Variants in EIF2B2 observed in about 807,000 individuals in gnomAD.
The protein encoded by EIF2B2 is translation initiation factor eIF2B subunit beta.
EIF2B2 carries 34 observed loss-of-function variants against 34.7 expected under a neutral mutation model. The observed-to-expected ratio is 0.98, with a 90% confidence interval of 0.75 to 1.31. The LOEUF is 1.31. Ranked by LOEUF, EIF2B2 falls within the 50% of genes most tolerant of loss-of-function variation. The probability of loss-of-function intolerance (pLI) is 0.00; values close to 1 mark genes in which losing one functional copy is unlikely to be tolerated. For missense variants in EIF2B2, 361 were observed against 447.7 expected (o/e 0.81, Z 1.75); for synonymous variants, 155 against 171.6 (o/e 0.90, Z 0.76).
In EIF2B2 at chr14:75,011,260, C is replaced by G. The variant is rs1366134225; in HGVS notation, c.*2072C>G. ...CAGTATAGAAGTATAATACCAAGCACAGCAAGCAGAGGGACATCCTCTAAT... is the reference window on the plus strand; with the variant it reads ...CAGTATAGAAGTATAATACCAAGCAGAGCAAGCAGAGGGACATCCTCTAAT... On this transcript the variant is annotated 3_prime_UTR_variant, in exon 8 of 8. Transcript: ENST00000266126. The G allele has an allele frequency of 6.6e-6, 1 of 152,156 alleles. No homozygotes were observed. Among genetic ancestry groups the G allele is most frequent in the African/African-American group, 2.4e-5 (1 of 41,422 alleles). 9.4% of individuals were successfully genotyped at this position (152,156 alleles called of 1,614,324 possible).
In EIF2B2 at chr14:75,003,545, C is replaced by CT; in HGVS notation, c.285-5dup. 1 of 1,614,140 alleles carries CT rather than the reference C, an allele frequency of 6.2e-7. No individual in the cohort carries two copies. Among genetic ancestry groups the CT allele is most frequent in the Non-Finnish European group, 8.5e-7 (1 of 1,180,028 alleles). On this transcript the variant is annotated splice_polypyrimidine_tract_variant and splice_region_variant and intron_variant, in intron 2 of 7. Transcript: ENST00000266126. ...CCTCTCTCTTTGGGTCTTGTTGCCTCTATAGACTCCATGGACGCAGCGACG... is the reference window on the plus strand; with the variant it reads ...CCTCTCTCTTTGGGTCTTGTTGCCTCTTATAGACTCCATGGACGCAGCGACG...
At chr14:75,003,437 CTT>C in intron 2 of EIF2B2, 42 bp downstream of exon 2, 4 of 1,613,918 alleles carry the variant, frequency 2.5e-6, no homozygotes, top group Non-Finnish European at 3.4e-6. Flanking sequence ...TCCAGTGACA[CTT>C]TTTGCACGGG....
Position 75,003,008 on chromosome 14 carries a change from G to T in EIF2B2, c.18G>T (p.Ala6=), listed in dbSNP as rs1889560858. 6.2e-7 allele frequency: 1 copy of T among 1,614,164 alleles called. No individual in the cohort carries two copies. The highest frequency in any genetic ancestry group is 8.5e-7 in the Non-Finnish European group (1 of 1,180,038). Residue 6 remains alanine, a synonymous_variant, in exon 1 of 8, where the codon GCG becomes GCT. Transcript: ENST00000266126. MPGSA[A]KGSELSERIE... ...CCTTAAAGATGCCGGGATCCGCAGC[G>T]AAGGGCTCGGAGTTGTCAGAGAGGA...
At position 75,011,959 on chromosome 14, in the gene EIF2B2, G is replaced by T. The variant is rs907131909; in HGVS notation, c.*2771G>T. The T allele has an allele frequency of 2.0e-5, 3 of 152,226 alleles. No individual in the cohort carries two copies. Among genetic ancestry groups the T allele is most frequent in the African/African-American group, 4.8e-5 (2 of 41,454 alleles). The allele number at this position is 152,226 out of a possible 1,614,324, so 9.4% of individuals were successfully genotyped here. On this transcript the variant is annotated 3_prime_UTR_variant, in exon 8 of 8. Transcript: ENST00000266126. ...CCAGGCATGACTGAGTTGGATGAAGGTTATAAGGGTAGAAGCTCTCTTTCT... is the reference window on the plus strand; with the variant it reads ...CCAGGCATGACTGAGTTGGATGAAGTTTATAAGGGTAGAAGCTCTCTTTCT...
In EIF2B2 at chr14:75,006,788, T is replaced by G. The variant is rs916284195; in HGVS notation, c.831+74T>G. The G allele has an allele frequency of 1.9e-6, 3 of 1,591,492 alleles. No homozygotes were observed. In the African/African-American group the frequency reaches 4.0e-5, roughly 21 times the overall value. The stretch of plus-strand genomic sequence containing the variant: ...AAAGGGTAGGCTTGAACTCTGGGAC[T>G]TCAACCACCTCACTCCAGGGCCTCC... On this transcript the variant is annotated intron_variant, in intron 6 of 7. Transcript: ENST00000266126. The surrounding 1 kb of genome is among the most constrained non-coding windows in gnomAD (Gnocchi z 4.1).
rs1000885496 is a variant in EIF2B2 at position 75,011,281 on chromosome 14, C to T, written c.*2093C>T. ...AGCACAGCAAGCAGAGGGACATCCT[C>T]TAATTTTGTTGACATGTTTATGCTT... On this transcript the variant is annotated 3_prime_UTR_variant, in exon 8 of 8. Transcript: ENST00000266126. The T allele has an allele frequency of 2.0e-5, 3 of 152,172 alleles. No individual in the cohort carries two copies. The highest frequency in any genetic ancestry group is 2.9e-5 in the Non-Finnish European group (2 of 68,042). The allele number at this position is 152,172 out of a possible 1,614,324, so 9.4% of individuals were successfully genotyped here.
intron 3 of EIF2B2, 150 bp downstream of exon 3, chr14:75,003,849 A>C: frequency 8.1e-7 from 1 of 1,227,432 alleles, no homozygotes; most frequent in African/African-American, 1.5e-5. Context: ...GAAATGTTGC[A>C]ACAGGTGACA....
In EIF2B2 at chr14:75,009,198, C is replaced by G. The variant is rs770918340; in HGVS notation, c.*10C>G. 1 of 1,613,900 alleles carries G rather than the reference C, an allele frequency of 6.2e-7. No homozygotes were observed. The highest frequency in any genetic ancestry group is 8.5e-7 in the Non-Finnish European group (1 of 1,179,890). On this transcript the variant is annotated 3_prime_UTR_variant, in exon 8 of 8. Transcript: ENST00000266126. ...TGATCATGTTTTATGACCGACCACA[C>G]GTGTCCTAAGCAGATTGCTTAGGCA...
rs930523618 is a variant in EIF2B2 at position 75,006,761 on chromosome 14, C to A, written c.831+47C>A. The stretch of plus-strand genomic sequence containing the variant: ...TAGAAGCCAGCAGAAAAGAAGGAAG[C>A]CAAAGGGTAGGCTTGAACTCTGGGA... On this transcript the variant is annotated intron_variant, in intron 6 of 7. Coordinates refer to ENST00000266126, the MANE Select transcript of EIF2B2 (RefSeq NM_014239.4). This position sits in a 1 kb window ranked among gnomAD's most constrained non-coding sequence, Gnocchi z 4.1. The A allele has an allele frequency of 3.7e-6, 6 of 1,612,820 alleles. No individual in the cohort carries two copies. The Admixed American group carries it at 5.0e-5, about 13-fold the overall frequency.
At position 75,006,421 on chromosome 14, in the gene EIF2B2, T is replaced by C; in HGVS notation, c.694-156T>C. On this transcript the variant is annotated intron_variant, in intron 5 of 7. Transcript: ENST00000266126. The surrounding 1 kb of genome is among the most constrained non-coding windows in gnomAD (Gnocchi z 4.1). Reference sequence around the variant, plus strand: ...TTTCCTTGGAAACCTACTTTTAAGCTAGAACTTGTATTGAGCCAGGGATCC... The same window carrying C: ...TTTCCTTGGAAACCTACTTTTAAGCCAGAACTTGTATTGAGCCAGGGATCC... 9.4e-7 allele frequency: 1 copy of C among 1,062,180 alleles called. No individual in the cohort carries two copies. Among genetic ancestry groups the C allele is most frequent in the Non-Finnish European group, 1.4e-6 (1 of 736,096 alleles). The allele number at this position is 1,062,180 out of a possible 1,614,324, so 65.8% of individuals were successfully genotyped here. A position where few individuals can be genotyped will look rare whatever the true frequency, so the allele number is the denominator to read the frequency against.
Position 75,004,902 on chromosome 14 carries a change from T to C in EIF2B2, c.597+2T>C. ...GCAGAGTGTGCTCCTTTCTGCCAGG[T>C]AAGGAGACTGCTGGAGTTGCTACTA... On this transcript the variant is annotated splice_donor_variant, in intron 4 of 7. Coordinates refer to ENST00000266126, the MANE Select transcript of EIF2B2 (RefSeq NM_014239.4). LOFTEE classifies it high-confidence loss of function. The C allele has an allele frequency of 6.2e-7, 1 of 1,610,464 alleles. No homozygotes were observed. Among genetic ancestry groups the C allele is most frequent in the Non-Finnish European group, 8.5e-7 (1 of 1,178,176 alleles).
At position 75,002,946 on chromosome 14, in the gene EIF2B2, A is replaced by T. The variant is rs1232273710; in HGVS notation, c.-45A>T. The T allele has an allele frequency of 3.7e-6, 6 of 1,612,888 alleles. No individual in the cohort carries two copies. The highest frequency in any genetic ancestry group is 1.8e-4 in the Middle Eastern group (1 of 5,504). ...GGAAGTGCAAACTGTGTGGTCTGGC[A>T]GGTGTGGATTCCGCCGGTGAAGGCT... On this transcript the variant is annotated 5_prime_UTR_variant, in exon 1 of 8. Coordinates refer to ENST00000266126, the MANE Select transcript of EIF2B2 (RefSeq NM_014239.4).
In EIF2B2 at chr14:75,002,921, G is replaced by C. The variant is rs1889557910; in HGVS notation, c.-70G>C. 1.2e-6 allele frequency: 2 copies of C among 1,609,902 alleles called. No individual in the cohort carries two copies. Among genetic ancestry groups the C allele is most frequent in the East Asian group, 4.5e-5 (2 of 44,874 alleles). On this transcript the variant is annotated 5_prime_UTR_variant, in exon 1 of 8. Transcript: ENST00000266126. Reference sequence around the variant, plus strand: ...AGCGGAAGCCGACCTCGCCCGCCCCGGAAGTGCAAACTGTGTGGTCTGGCA... The same window carrying C: ...AGCGGAAGCCGACCTCGCCCGCCCCCGAAGTGCAAACTGTGTGGTCTGGCA...
chr14:75,007,565 C>A, intron 6 of EIF2B2, 157 bp from the exon 7 acceptor site: 1 of 613,802 alleles, frequency 1.6e-6, no homozygotes, highest in South Asian at 1.8e-5. Flanking sequence ...TGTTTATGGG[C>A]ATTTGGGTTG....
rs1443000896 is a variant in EIF2B2 at position 75,007,896 on chromosome 14, T to A, written c.898+108T>A. ...TTTGTTGGTCAGTAGAACTGAATGC[T>A]GTCAAGTTGTGTTTTTTATCATACT... On this transcript the variant is annotated intron_variant, in intron 7 of 7. Coordinates refer to ENST00000266126, the MANE Select transcript of EIF2B2 (RefSeq NM_014239.4). 3.8e-6 allele frequency: 4 copies of A among 1,064,748 alleles called. No individual in the cohort carries two copies. The East Asian group carries it at 7.4e-5, about 20-fold the overall frequency. 66.0% of individuals were successfully genotyped at this position (1,064,748 alleles called of 1,614,324 possible). A position where few individuals can be genotyped will look rare whatever the true frequency, so the allele number is the denominator to read the frequency against.
chr14:75,006,523 C>T lies in EIF2B2; in HGVS notation c.694-54C>T, dbSNP rs1004989825. ...GCATTTAGCTTTTTGTGGCCAGTGG[C>T]CCTTTTAGGGCTCCACCCCCAGGAT... On this transcript the variant is annotated intron_variant, in intron 5 of 7. Transcript: ENST00000266126. This position sits in a 1 kb window ranked among gnomAD's most constrained non-coding sequence, Gnocchi z 4.1. 12 of 1,608,258 alleles carry T rather than the reference C, an allele frequency of 7.5e-6. No individual in the cohort carries two copies. The highest frequency in any genetic ancestry group is 1.0e-5 in the Non-Finnish European group (12 of 1,179,676).
chr14:75,006,558 T>A lies in EIF2B2; in HGVS notation c.694-19T>A. The A allele has an allele frequency of 6.2e-7, 1 of 1,613,430 alleles. No individual in the cohort carries two copies. Among genetic ancestry groups the A allele is most frequent in the South Asian group, 1.1e-5 (1 of 91,080 alleles). Reference sequence around the variant, plus strand: ...GCTCCACCCCCAGGATGGCTCACATTTTTTGTCTTGTCCCAAAGGTGATCA... The same window carrying A: ...GCTCCACCCCCAGGATGGCTCACATATTTTGTCTTGTCCCAAAGGTGATCA... On this transcript the variant is annotated intron_variant, in intron 5 of 7. Transcript: ENST00000266126. The surrounding 1 kb of genome is among the most constrained non-coding windows in gnomAD (Gnocchi z 4.1).
rs2139258230 is a variant in EIF2B2 at position 75,009,558 on chromosome 14, A to G, written c.*370A>G. ...CAGAAATGGCTATGACACTTTTTCT[A>G]GGCTCTACCAATAAAAGCCACTTGA... On this transcript the variant is annotated 3_prime_UTR_variant, in exon 8 of 8. Coordinates refer to ENST00000266126, the MANE Select transcript of EIF2B2 (RefSeq NM_014239.4). 2 of 309,274 alleles carry G rather than the reference A, an allele frequency of 6.5e-6. No individual in the cohort carries two copies. Among genetic ancestry groups the G allele is most frequent in the East Asian group, 1.7e-4 (2 of 12,090 alleles). 19.2% of individuals were successfully genotyped at this position (309,274 alleles called of 1,614,324 possible).
rs941048370 is a variant in EIF2B2 at position 75,003,200 on chromosome 14, C to G, written c.163+47C>G. On this transcript the variant is annotated intron_variant, in intron 1 of 7. Coordinates refer to ENST00000266126, the MANE Select transcript of EIF2B2 (RefSeq NM_014239.4). ...CGGCGAACCTGGCCCCTGTCTGTTCCCGATCCCAGGGCTGAAAATTTCCCA... is the reference window on the plus strand; with the variant it reads ...CGGCGAACCTGGCCCCTGTCTGTTCGCGATCCCAGGGCTGAAAATTTCCCA... The G allele has an allele frequency of 2.5e-6, 4 of 1,613,366 alleles. No individual in the cohort carries two copies. The Admixed American group carries it at 5.0e-5, about 20-fold the overall frequency.
Sources: gnomAD v4.1 joint callset for allele counts on GRCh38, gnomAD v4.1.1 for gene constraint, Gnocchi (gnomAD v3.1) non-coding constraint, MANE v1.5 for transcripts, NCBI Gene and HGNC (gene_info 2026-07-23, HGNC 2026-07-21) for gene names.